Variants in ARHGAP32 observed in about 807,000 individuals in gnomAD.
ARHGAP32 encodes Rho GTPase activating protein 32.
In ARHGAP32, 51 loss-of-function variants were observed where a neutral mutation model predicts 186.5. That is an observed-to-expected ratio of 0.27 (90% confidence interval 0.22 to 0.35). The LOEUF (loss-of-function observed/expected upper bound fraction) is 0.35, where lower values mean the gene tolerates loss of function less well. ARHGAP32 is among the 10% of genes least tolerant of loss of function. The pLI is 1.00. For missense variants in ARHGAP32, 2,186 were observed against 2,623.5 expected, an observed-to-expected ratio of 0.83 and a Z score of 3.64; for synonymous variants, 950 against 964.3, an observed-to-expected ratio of 0.99 and a Z score of 0.27.
chr11:129,110,688 T>C lies in ARHGAP32; in HGVS notation c.444+12758A>G, dbSNP rs947967791. Among the ~76,000 whole-genome samples the C allele has an allele frequency of 1.6e-4, 24 of 152,296 alleles. 1 individual carries two copies. In the South Asian group the frequency reaches 3.9e-3, roughly 25 times the overall value. The stretch of plus-strand genomic sequence containing the variant: ...TAAATTTATTCCTAGGTTTTTTGTT[T>C]AGTTATTGTAAATACGATTGCCTTC... On this transcript the variant is annotated intron_variant, in intron 5 of 22. Transcript: ENST00000682385.
At chr11:129,012,354 A>T (rs1938123576) in intron 11 of ARHGAP32, among the ~76,000 whole-genome samples, 1 of 152,244 alleles carries the variant, frequency 6.6e-6, no homozygotes, top group Non-Finnish European at 1.5e-5. Flanking sequence ...TGGAAACATC[A>T]ACATGAACTC....
At chr11:128,992,786 TCAAAA>T (rs1019593284) in intron 12 of ARHGAP32, among the ~76,000 whole-genome samples, 2 of 151,936 alleles carry the variant, frequency 1.3e-5, no homozygotes, top group African/African-American at 2.4e-5. Context: ...AAACTCCGTA[TCAAAA>T]CAAAACAAAA....
At chr11:129,060,700 C>A (rs1444890889) in intron 10 of ARHGAP32, among the ~76,000 whole-genome samples, 1 of 151,782 alleles carries the variant, frequency 6.6e-6, no homozygotes, top group Admixed American at 6.6e-5. Flanking sequence ...TCTTAACAAC[C>A]AAATTAAATT....
intron 11 of ARHGAP32, among the ~76,000 whole-genome samples, chr11:129,031,927 C>T (rs1470509818): frequency 9.2e-5 from 14 of 152,100 alleles, no homozygotes; most frequent in East Asian, 3.9e-4. Flanking sequence ...GAGGGCTCGA[C>T]GGCAGGACTT....
At chr11:129,085,028 A>T (rs1043243636) in intron 6 of ARHGAP32, among the ~76,000 whole-genome samples, 7 of 145,956 alleles carry the variant, frequency 4.8e-5, no homozygotes, top group African/African-American at 1.7e-4. Flanking sequence ...TGGTTTTATT[A>T]TTTTTTTTTT....
intron 1 of ARHGAP32, among the ~76,000 whole-genome samples, chr11:129,223,699 A>T (rs771999003): frequency 5.3e-5 from 8 of 152,220 alleles, no homozygotes; most frequent in Non-Finnish European, 1.2e-4. Flanking sequence ...ACAGCTAAAG[A>T]AGTAAAAGAC....
intron 1 of ARHGAP32, among the ~76,000 whole-genome samples, chr11:129,225,489 A>C (rs1944768914): frequency 6.6e-6 from 1 of 152,198 alleles, no homozygotes; most frequent in South Asian, 2.1e-4. Context: ...CCAGGAGTTT[A>C]AGGAAATCTG....
intron 11 of ARHGAP32, among the ~76,000 whole-genome samples, chr11:129,004,245 CTTTT>C (rs71057919): frequency 2.6e-5 from 3 of 116,384 alleles, no homozygotes; most frequent in Non-Finnish European, 3.5e-5. Flanking sequence ...CAATGCTTTC[CTTTT>C]TTTTTTTTTT....
At chr11:129,090,820 T>C (rs1399337979) in intron 6 of ARHGAP32, among the ~76,000 whole-genome samples, 1 of 152,182 alleles carries the variant, frequency 6.6e-6, no homozygotes, top group African/African-American at 2.4e-5. Context: ...ATAATTAGTG[T>C]CAGGGTTTAT....
intron 1 of ARHGAP32, among the ~76,000 whole-genome samples, chr11:129,201,103 A>G (rs1203319696): frequency 6.6e-6 from 1 of 152,180 alleles, no homozygotes; most frequent in African/African-American, 2.4e-5. Context: ...GATTACAAAG[A>G]ACATATAAAA....
chr11:129,248,383 A>G (rs1945132900), intron 1 of ARHGAP32, among the ~76,000 whole-genome samples: 4 of 152,140 alleles, frequency 2.6e-5, no homozygotes, highest in Admixed American at 2.6e-4. Flanking sequence ...CAGTGTTTTT[A>G]TTTATGTCTT....
chr11:129,038,570 A>G (rs1939452450), intron 11 of ARHGAP32, among the ~76,000 whole-genome samples: 1 of 152,010 alleles, frequency 6.6e-6, no homozygotes, highest in African/African-American at 2.4e-5. Context: ...AAGAATTTGT[A>G]TCTAGAATAT....
At chr11:128,976,716 A>C in intron 19 of ARHGAP32, 82 bp from the exon 20 acceptor site, 1 of 1,218,004 alleles carries the variant, frequency 8.2e-7, no homozygotes, top group Non-Finnish European at 1.2e-6. Flanking sequence ...TTCTTGATAC[A>C]TTTAAACTTT....
intron 1 of ARHGAP32, among the ~76,000 whole-genome samples, chr11:129,172,385 T>C (rs1044651464): frequency 2.6e-5 from 4 of 152,246 alleles, no homozygotes; most frequent in Non-Finnish European, 4.4e-5. Context: ...TGAAGGGATG[T>C]TGAATTTTAT....
At chr11:129,088,713 G>A (rs11221561) in intron 6 of ARHGAP32, among the ~76,000 whole-genome samples, 29,705 of 151,958 alleles carry the variant, frequency 0.2, 3,105 homozygotes, top group Non-Finnish European at 0.23. Flanking sequence ...ATATACTCCT[G>A]CCAAAATTTT....
chr11:129,016,875 G>A (rs1445599630), intron 11 of ARHGAP32, among the ~76,000 whole-genome samples: 2 of 152,140 alleles, frequency 1.3e-5, no homozygotes, highest in Non-Finnish European at 2.9e-5. Flanking sequence ...TTTACAATTT[G>A]CTTATGTCCT....
chr11:129,211,304 T>C (rs1944578720), intron 1 of ARHGAP32, among the ~76,000 whole-genome samples: 1 of 152,202 alleles, frequency 6.6e-6, no homozygotes, highest in Admixed American at 6.5e-5. Context: ...CTTTAATTTC[T>C]AGTATATGAT....
At chr11:128,984,898 T>C (rs1945816912) in intron 15 of ARHGAP32, among the ~76,000 whole-genome samples, 1 of 152,210 alleles carries the variant, frequency 6.6e-6, no homozygotes, top group South Asian at 2.1e-4. Context: ...ACAGAATTCA[T>C]GACCTCAAGT....
chr11:129,121,669 C>T (rs1036827964), intron 5 of ARHGAP32, among the ~76,000 whole-genome samples: 4 of 152,072 alleles, frequency 2.6e-5, no homozygotes, highest in Non-Finnish European at 5.9e-5. Context: ...AGTATCACAT[C>T]TTTTTTTCCT....
Sources: gnomAD v4.1 joint callset for allele counts (sites outside exome capture counted in the v4.1 genomes callset) on GRCh38, gnomAD v4.1.1 for gene constraint, MANE v1.5 for transcripts, NCBI Gene and HGNC (gene_info 2026-07-23, HGNC 2026-07-21) for gene names.